SLC9A9: variants seen among roughly 807,000 people sequenced by gnomAD.
SLC9A9 encodes sodium/hydrogen exchanger 9.
SLC9A9 carries 62 observed loss-of-function variants against 77.8 expected under a neutral mutation model. That is an observed-to-expected ratio of 0.80 (90% confidence interval 0.65 to 0.98). The LOEUF (loss-of-function observed/expected upper bound fraction) is 0.98. Among genes scored for constraint, SLC9A9 ranks in the 50% least tolerant of loss-of-function variants. The pLI is 0.00. For missense variants in SLC9A9, 775 were observed against 774.9 expected, an observed-to-expected ratio of 1.00 and a Z score of 0.00; for synonymous variants, 320 against 283.5, an observed-to-expected ratio of 1.13 and a Z score of -1.29.
At chr3:143,615,472 C>T (rs1317691728) in intron 6 of SLC9A9, among the ~76,000 whole-genome samples, 1 of 152,112 alleles carries the variant, frequency 6.6e-6, no homozygotes, top group East Asian at 1.9e-4. Flanking sequence ...TGCCCTTATG[C>T]CACTTGCTCC....
At chr3:143,792,140 G>A (rs887612441) in intron 4 of SLC9A9, among the ~76,000 whole-genome samples, 1 of 152,116 alleles carries the variant, frequency 6.6e-6, no homozygotes, top group African/African-American at 2.4e-5. Flanking sequence ...TTGAAGATTA[G>A]ATGGATAATC....
intron 12 of SLC9A9, among the ~76,000 whole-genome samples, chr3:143,400,792 G>A (rs1309290574): frequency 6.6e-6 from 1 of 151,534 alleles, no homozygotes; most frequent in Non-Finnish European, 1.5e-5. Flanking sequence ...GTCACTGGGT[G>A]GAATCAGAGC....
Position 143,382,254 on chromosome 3 carries a change from C to A in SLC9A9, c.1470-140G>T, listed in dbSNP as rs2033323100. 4 of 865,846 alleles carry A rather than the reference C, an allele frequency of 4.6e-6. No individual in the cohort carries two copies. In the Admixed American group the frequency reaches 7.4e-5, roughly 16 times the overall value. The allele number at this position is 865,846 out of a possible 1,614,324, so 53.6% of individuals were successfully genotyped here. ...AAAACTATCCTACGTCTTCTTGAATCAAAAGAACCTCAGATTTATACCAAA... is the reference window on the plus strand; with the variant it reads ...AAAACTATCCTACGTCTTCTTGAATAAAAAGAACCTCAGATTTATACCAAA... On this transcript the variant is annotated intron_variant, in intron 12 of 15. Transcript: ENST00000316549.
At chr3:143,322,679 G>A (rs2031459135) in intron 14 of SLC9A9, among the ~76,000 whole-genome samples, 1 of 152,112 alleles carries the variant, frequency 6.6e-6, no homozygotes, top group Admixed American at 6.5e-5. Flanking sequence ...ATTTTTTTGT[G>A]TATGTGTTCA....
intron 6 of SLC9A9, among the ~76,000 whole-genome samples, chr3:143,598,576 T>C (rs1334756690): frequency 6.6e-6 from 1 of 152,184 alleles, no homozygotes; most frequent in Non-Finnish European, 1.5e-5. Context: ...ATAGCCTCCT[T>C]TGAAAAAGAC....
chr3:143,813,552 A>G (rs1013992883), intron 2 of SLC9A9, among the ~76,000 whole-genome samples: 2 of 152,138 alleles, frequency 1.3e-5, no homozygotes, highest in Middle Eastern at 6.8e-3. Context: ...CCCGCTCCCA[A>G]ACTTTGTAAG....
chr3:143,671,643 CAT>C (rs2039155710), intron 5 of SLC9A9, among the ~76,000 whole-genome samples: 1 of 152,190 alleles, frequency 6.6e-6, no homozygotes, highest in Non-Finnish European at 1.5e-5. Flanking sequence ...GTTTTACAGA[CAT>C]AGGTTTATGT....
At chr3:143,684,062 T>C (rs910354317) in intron 5 of SLC9A9, among the ~76,000 whole-genome samples, 2 of 151,622 alleles carry the variant, frequency 1.3e-5, no homozygotes, top group African/African-American at 4.9e-5. Flanking sequence ...TATAGTCCCA[T>C]TTTATATTTG....
chr3:143,384,938 T>G (rs1394969418), intron 12 of SLC9A9, among the ~76,000 whole-genome samples: 1 of 152,250 alleles, frequency 6.6e-6, no homozygotes, highest in East Asian at 1.9e-4. Flanking sequence ...CTTGTGATAT[T>G]AGCTGCTTTT....
intron 5 of SLC9A9, among the ~76,000 whole-genome samples, chr3:143,664,362 C>T (rs1312266055): frequency 1.3e-5 from 2 of 152,154 alleles, no homozygotes; most frequent in Non-Finnish European, 2.9e-5. Flanking sequence ...CCGGTACCAG[C>T]CACTGCAAAA....
intron 2 of SLC9A9, chr3:143,811,851 G>A (rs1178261608): frequency 2.6e-5 from 8 of 302,534 alleles, no homozygotes; most frequent in Admixed American, 4.9e-5. Context: ...GACAGAGAGA[G>A]ATCTTGTCTA....
intron 14 of SLC9A9, among the ~76,000 whole-genome samples, chr3:143,352,504 A>G (rs184026240): frequency 0.012 from 1,538 of 133,326 alleles, 11 homozygotes; most frequent in Non-Finnish European, 0.016. Flanking sequence ...CCTTTGGAAA[A>G]AGGTTAGCTC....
chr3:143,468,285 C>T (rs1011161912), intron 11 of SLC9A9, among the ~76,000 whole-genome samples: 1 of 152,200 alleles, frequency 6.6e-6, no homozygotes, highest in Non-Finnish European at 1.5e-5. Context: ...ACATTCCTAC[C>T]AGCAATATAT....
chr3:143,297,790 T>C (rs1194751995), intron 14 of SLC9A9, among the ~76,000 whole-genome samples: 1 of 152,260 alleles, frequency 6.6e-6, no homozygotes, highest in Non-Finnish European at 1.5e-5. Flanking sequence ...TTGTCTATTT[T>C]GTTGTCGTAT....
At chr3:143,814,637 G>T in intron 2 of SLC9A9, among the ~76,000 whole-genome samples, 1 of 152,136 alleles carries the variant, frequency 6.6e-6, no homozygotes, top group East Asian at 1.9e-4. Flanking sequence ...TATTGCATTT[G>T]AGACATAATT....
At chr3:143,800,277 C>T (rs917123948) in intron 2 of SLC9A9, among the ~76,000 whole-genome samples, 1 of 152,150 alleles carries the variant, frequency 6.6e-6, no homozygotes, top group African/African-American at 2.4e-5. Context: ...ATGCCAATAT[C>T]CCATCCTACA....
intron 6 of SLC9A9, among the ~76,000 whole-genome samples, chr3:143,598,402 G>C (rs936340021): frequency 6.6e-6 from 1 of 152,230 alleles, no homozygotes; most frequent in Admixed American, 6.5e-5. Context: ...GGATGGGGCT[G>C]TAGCTGTGCC....
At chr3:143,397,365 C>A (rs1253342650) in intron 12 of SLC9A9, among the ~76,000 whole-genome samples, 1 of 152,156 alleles carries the variant, frequency 6.6e-6, no homozygotes, top group Non-Finnish European at 1.5e-5. Flanking sequence ...GGTGGGGAGT[C>A]TTCTCAATGT....
At chr3:143,320,184 A>G (rs2031368707) in intron 14 of SLC9A9, among the ~76,000 whole-genome samples, 2 of 152,242 alleles carry the variant, frequency 1.3e-5, no homozygotes, top group Admixed American at 1.3e-4. Context: ...CCACGAGGGC[A>G]GGCCCTTCAT....
Sources: gnomAD v4.1 joint callset for allele counts (sites outside exome capture counted in the v4.1 genomes callset) on GRCh38, gnomAD v4.1.1 for gene constraint, MANE v1.5 for transcripts, NCBI Gene and HGNC (gene_info 2026-07-23, HGNC 2026-07-21) for gene names.